INTS9: variants seen among roughly 807,000 people sequenced by gnomAD.
INTS9 encodes the protein integrator complex subunit 9, also known as protein related to CPSF subunits of 74 kDa.
A neutral mutation model predicts 79.7 loss-of-function variants in INTS9; 55 were observed. The observed-to-expected ratio is 0.69, with a 90% CI of 0.56 to 0.86. INTS9 has a LOEUF of 0.86. Among genes scored for constraint, INTS9 ranks in the 40% least tolerant of loss-of-function variants. The pLI is 0.00. For missense variants in INTS9, 721 were observed against 831.5 expected (o/e 0.87, Z 1.64); for synonymous variants, 319 against 325.2 (o/e 0.98, Z 0.20).
intron 10 of INTS9, 28 bp downstream of exon 10, chr8:28,793,779 C>CAAAAAAA: frequency 1.7e-6 from 2 of 1,188,010 alleles, no homozygotes; most frequent in East Asian, 2.7e-5. Flanking sequence ...ATAAAATTCA[C>CAAAAAAA]AAAAAAAAAA....
chr8:28,823,865 T>C (rs908153117), intron 6 of INTS9, among the ~76,000 whole-genome samples: 4 of 152,208 alleles, frequency 2.6e-5, no homozygotes, highest in African/African-American at 9.7e-5. Flanking sequence ...AACACTGAAT[T>C]AAGATTTAAC....
At chr8:28,850,363 G>A (rs766879703) in intron 2 of INTS9, 90 bp from the exon 3 acceptor site, 6 of 1,005,258 alleles carry the variant, frequency 6.0e-6, no homozygotes, top group Non-Finnish European at 7.5e-6. Context: ...ATAAAGTTAA[G>A]AACAGTTTAA....
intron 11 of INTS9, among the ~76,000 whole-genome samples, chr8:28,787,017 A>T (rs548338635): frequency 6.6e-6 from 1 of 152,208 alleles, no homozygotes; most frequent in Non-Finnish European, 1.5e-5. Context: ...GAGCCCAGCC[A>T]ATACTGTCAG....
At chr8:28,797,183 C>T (rs376988025) in intron 8 of INTS9, among the ~76,000 whole-genome samples, 3 of 152,198 alleles carry the variant, frequency 2.0e-5, no homozygotes, top group East Asian at 1.9e-4. Flanking sequence ...CTGCCATTGC[C>T]GGCCTGGGGA....
At chr8:28,885,993 A>G (rs1810156662) in intron 1 of INTS9, among the ~76,000 whole-genome samples, 1 of 152,228 alleles carries the variant, frequency 6.6e-6, no homozygotes, top group Non-Finnish European at 1.5e-5. Flanking sequence ...CTGAGTTGGT[A>G]TCTAAGAAGG....
In INTS9 at chr8:28,863,937, T is replaced by C. The variant is rs77831570; in HGVS notation, c.10-4374A>G. Among the ~76,000 whole-genome samples the C allele has an allele frequency of 6.9e-3, 1,053 of 152,248 alleles. 12 individuals are homozygous for C. The highest frequency in any genetic ancestry group is 0.024 in the African/African-American group (1,005 of 41,544). On this transcript the variant is annotated intron_variant, in intron 1 of 16. Coordinates refer to ENST00000521022, the MANE Select transcript of INTS9 (RefSeq NM_018250.4). ...TTTTTTTCATAGAATAAGTGGAAAA[T>C]GGTTTTGAAAGTTACATATGGGTAA...
At chr8:28,816,113 A>G (rs1037862482) in intron 6 of INTS9, among the ~76,000 whole-genome samples, 2 of 151,994 alleles carry the variant, frequency 1.3e-5, no homozygotes, top group African/African-American at 4.8e-5. Context: ...AGGACTATAT[A>G]TCTAGCAAAA....
At chr8:28,820,448 G>T (rs530031390) in intron 6 of INTS9, among the ~76,000 whole-genome samples, 23 of 152,334 alleles carry the variant, frequency 1.5e-4, no homozygotes, top group Non-Finnish European at 2.8e-4. Context: ...CTTTAAGAAT[G>T]TTGAATATTG....
At chr8:28,827,649 A>G (rs952967942) in intron 6 of INTS9, among the ~76,000 whole-genome samples, 2 of 152,196 alleles carry the variant, frequency 1.3e-5, no homozygotes, top group Non-Finnish European at 2.9e-5. Context: ...GTATGTTTCA[A>G]TATTAACCAG....
At chr8:28,785,712 C>T (rs193188295) in intron 11 of INTS9, among the ~76,000 whole-genome samples, 1 of 152,308 alleles carries the variant, frequency 6.6e-6, no homozygotes, top group African/African-American at 2.4e-5. Context: ...CATGTCACTG[C>T]TCCCAGGCCC....
At chr8:28,840,145 ACTT>A (rs1807080211) in intron 4 of INTS9, among the ~76,000 whole-genome samples, 1 of 149,128 alleles carries the variant, frequency 6.7e-6, no homozygotes, top group Non-Finnish European at 1.5e-5. Context: ...ATGAACAGAC[ACTT>A]CTCAAAAGAA....
chr8:28,779,670 G>A (rs1390600438), intron 12 of INTS9, among the ~76,000 whole-genome samples: 2 of 152,168 alleles, frequency 1.3e-5, no homozygotes, highest in Admixed American at 6.5e-5. Flanking sequence ...GCGCATCACC[G>A]AACACCAGCC....
chr8:28,832,833 T>C (rs1806574947), intron 6 of INTS9, among the ~76,000 whole-genome samples: 1 of 151,802 alleles, frequency 6.6e-6, no homozygotes, highest in Non-Finnish European at 1.5e-5. Context: ...ATGGTGGCGC[T>C]CACCTGTGGT....
chr8:28,833,102 G>A (rs1585433167), intron 6 of INTS9, among the ~76,000 whole-genome samples: 1 of 152,204 alleles, frequency 6.6e-6, no homozygotes, highest in South Asian at 2.1e-4. Context: ...GGAATGCACG[G>A]AGGAGACTCA....
At chr8:28,779,217 G>C (rs1803088799) in intron 12 of INTS9, among the ~76,000 whole-genome samples, 1 of 152,132 alleles carries the variant, frequency 6.6e-6, no homozygotes, top group African/African-American at 2.4e-5. Context: ...TGAAATCTTG[G>C]CAGCTATGAA....
chr8:28,809,929 C>T (rs1285814753), intron 8 of INTS9, among the ~76,000 whole-genome samples: 1 of 152,186 alleles, frequency 6.6e-6, no homozygotes, highest in African/African-American at 2.4e-5. Context: ...TTGTTCAACA[C>T]TAGAGCACAG....
intron 1 of INTS9, among the ~76,000 whole-genome samples, chr8:28,863,025 CTGCCTGGTACACAGTAAG>C (rs1282179437): frequency 6.6e-6 from 1 of 152,214 alleles, no homozygotes; most frequent in Non-Finnish European, 1.5e-5. Flanking sequence ...AATGGATACA[CTGCCTGGTACACAGTAAG>C]TGCTCTTAGT....
intron 4 of INTS9, among the ~76,000 whole-genome samples, chr8:28,845,677 C>T (rs1452701371): frequency 6.6e-6 from 1 of 152,162 alleles, no homozygotes; most frequent in Non-Finnish European, 1.5e-5. Flanking sequence ...GGGGAATCAC[C>T]CTACCAATTC....
chr8:28,791,984 ATAAG>A (rs1760047763), intron 10 of INTS9, among the ~76,000 whole-genome samples: 1 of 152,238 alleles, frequency 6.6e-6, no homozygotes, highest in East Asian at 1.9e-4. Flanking sequence ...TTCCACAAAA[ATAAG>A]TAAGCAAAAA....
Sources: gnomAD v4.1 joint callset for allele counts (sites outside exome capture counted in the v4.1 genomes callset) on GRCh38, gnomAD v4.1.1 for gene constraint, MANE v1.5 for transcripts, NCBI Gene and HGNC (gene_info 2026-07-23, HGNC 2026-07-21) for gene names.